MAN2A1: variants seen among roughly 807,000 people sequenced by gnomAD.
MAN2A1 encodes the protein mannosidase alpha class 2A member 1, also known as alpha-mannosidase 2.
Under a neutral mutation model 142.6 loss-of-function variants are expected in MAN2A1, and 76 were observed. That is an observed-to-expected ratio of 0.53 (90% CI 0.44 to 0.65). The LOEUF is 0.65. Among genes scored for constraint, MAN2A1 ranks in the 30% least tolerant of loss-of-function variants. The pLI, the probability that MAN2A1 is intolerant of heterozygous loss-of-function variation, is 0.00. For synonymous variants in MAN2A1, 559 were observed against 473.2 expected (o/e 1.18, Z -2.35); for missense variants, 1,311 against 1,365.1 (o/e 0.96, Z 0.62).
chr5:109,838,593 G>C (rs939417637), intron 16 of MAN2A1, among the ~76,000 whole-genome samples: 2 of 152,068 alleles, frequency 1.3e-5, no homozygotes, highest in Non-Finnish European at 2.9e-5. Flanking sequence ...GGAACAATTG[G>C]CAATCCTTTC....
intron 16 of MAN2A1, among the ~76,000 whole-genome samples, chr5:109,829,269 C>T (rs1754841351): frequency 6.6e-6 from 1 of 152,154 alleles, no homozygotes; most frequent in Admixed American, 6.5e-5. Context: ...GCCAAATTAG[C>T]ACTGTAAGTG....
intron 4 of MAN2A1, among the ~76,000 whole-genome samples, chr5:109,730,003 A>G (rs1209182725): frequency 2.0e-5 from 3 of 152,150 alleles, no homozygotes; most frequent in African/African-American, 7.2e-5. Flanking sequence ...GGGGAAAAAA[A>G]TCCTATGTTA....
In MAN2A1 at chr5:109,847,739, T is replaced by G. The variant is rs1561541826; in HGVS notation, c.2925T>G (p.Ile975Met). Residue 975 changes from isoleucine (I) to methionine (M), a missense_variant, in exon 19 of 22, where the codon ATT becomes ATG. By Grantham distance (10) the Ile-to-Met change is conservative (BLOSUM62 1). Coordinates refer to ENST00000261483, the MANE Select transcript of MAN2A1 (RefSeq NM_002372.4). ...GLEQGIQDNK[I>M]TANLFRILLE... is the part of the protein sequence containing the mutation. The stretch of plus-strand genomic sequence containing the variant: ...AGCAAGGTATCCAGGATAACAAGAT[T>G]ACAGCTAATCTATTTCGAATACTAC... 1 of 1,600,432 alleles carries G rather than the reference T, an allele frequency of 6.2e-7. No individual in the cohort carries two copies. The highest frequency in any genetic ancestry group is 8.5e-7 in the Non-Finnish European group (1 of 1,173,930).
chr5:109,845,692 G>A (rs1755327355), intron 17 of MAN2A1, among the ~76,000 whole-genome samples, 173 bp from the exon 18 acceptor site: 1 of 151,972 alleles, frequency 6.6e-6, no homozygotes, highest in Non-Finnish European at 1.5e-5. Context: ...ATATCCTTGT[G>A]GTTTTTCTTC....
At chr5:109,777,835 T>G (rs953695542) in intron 8 of MAN2A1, among the ~76,000 whole-genome samples, 1 of 152,120 alleles carries the variant, frequency 6.6e-6, no homozygotes, top group Non-Finnish European at 1.5e-5. Flanking sequence ...CACCACAGTG[T>G]CATCTTTGTC....
chr5:109,833,663 A>AGAGAGG (rs529924332), intron 16 of MAN2A1, among the ~76,000 whole-genome samples: 2 of 117,230 alleles, frequency 1.7e-5, no homozygotes, highest in Non-Finnish European at 3.4e-5. Context: ...GACGGTGGAG[A>AGAGAGG]GAGAGGGAGA....
chr5:109,811,875 C>G (rs1403754156), intron 12 of MAN2A1, among the ~76,000 whole-genome samples: 4 of 152,110 alleles, frequency 2.6e-5, no homozygotes, highest in African/African-American at 9.7e-5. Flanking sequence ...TGTATTCTCA[C>G]CACTACCATG....
intron 4 of MAN2A1, among the ~76,000 whole-genome samples, chr5:109,732,938 A>G (rs1352039703): frequency 6.6e-6 from 1 of 152,154 alleles, no homozygotes; most frequent in Non-Finnish European, 1.5e-5. Flanking sequence ...CATTGAATCT[A>G]TAAATTACCT....
intron 1 of MAN2A1, among the ~76,000 whole-genome samples, chr5:109,695,205 G>C (rs1170871706): frequency 1.3e-5 from 2 of 152,164 alleles, no homozygotes; most frequent in Non-Finnish European, 2.9e-5. Context: ...GAAGATAGTA[G>C]TTTATGTTTT....
rs1206610396 is a variant in MAN2A1 at position 109,823,818 on chromosome 5, C to T, written c.2547C>T (p.Val849=). The change falls in exon 16 of 22, where the codon GTC becomes GTT. Residue 849 remains valine, a synonymous_variant. Transcript: ENST00000261483. ...TTTTTGACCATGTTACTCATAGAGT[C>T]CGACTATACCACATACAGGGTAAGA... is the stretch of plus-strand genomic sequence containing the variant. ...TCFFDHVTHR[V]RLYHIQGIEG... 2 of 1,575,094 alleles carry T rather than the reference C, an allele frequency of 1.3e-6. No homozygotes were observed. The highest frequency in any genetic ancestry group is 1.7e-6 in the Non-Finnish European group (2 of 1,156,126).
intron 3 of MAN2A1, among the ~76,000 whole-genome samples, chr5:109,717,618 T>C (rs1318064044): frequency 6.6e-6 from 1 of 152,188 alleles, no homozygotes; most frequent in East Asian, 1.9e-4. Flanking sequence ...TCCTTAATCT[T>C]AGCCTGTACC....
intron 13 of MAN2A1, among the ~76,000 whole-genome samples, chr5:109,818,161 A>G (rs13185070): frequency 0.39 from 58,394 of 151,672 alleles, 12,242 homozygotes; most frequent in African/African-American, 0.56. Context: ...TATTTTTGAG[A>G]CAGAATTTCG....
intron 16 of MAN2A1, 52 bp from the exon 17 acceptor site, chr5:109,842,276 G>A (rs539648704): frequency 4.0e-6 from 5 of 1,240,604 alleles, no homozygotes; most frequent in Non-Finnish European, 5.6e-6. Context: ...TTTCAAAAAG[G>A]TGAGGCAAGT....
chr5:109,820,422 T>A (rs1277846503), intron 15 of MAN2A1, 80 bp downstream of exon 15: 2 of 1,334,644 alleles, frequency 1.5e-6, no homozygotes, highest in East Asian at 4.7e-5. Flanking sequence ...TGAGTGTCAT[T>A]ATTTTATCAT....
At chr5:109,691,610 A>G (rs1441658203) in intron 1 of MAN2A1, among the ~76,000 whole-genome samples, 1 of 152,214 alleles carries the variant, frequency 6.6e-6, no homozygotes, top group Non-Finnish European at 1.5e-5. Context: ...TGCTAGAGCA[A>G]ATGGCTTGAA....
chr5:109,838,845 C>G (rs984695621), intron 16 of MAN2A1, among the ~76,000 whole-genome samples: 5 of 152,114 alleles, frequency 3.3e-5, no homozygotes, highest in Non-Finnish European at 5.9e-5. Flanking sequence ...ACAACAGGGT[C>G]TGAGTATAAT....
At chr5:109,732,958 T>G (rs1751961907) in intron 4 of MAN2A1, among the ~76,000 whole-genome samples, 1 of 152,216 alleles carries the variant, frequency 6.6e-6, no homozygotes, top group Non-Finnish European at 1.5e-5. Flanking sequence ...TTGGGCAGTA[T>G]GGCCATTTTC....
At chr5:109,769,892 A>G (rs1036778506) in intron 6 of MAN2A1, among the ~76,000 whole-genome samples, 8 of 151,910 alleles carry the variant, frequency 5.3e-5, no homozygotes, top group African/African-American at 1.9e-4. Flanking sequence ...TATGCTCCAC[A>G]CTTCCTTTGT....
At chr5:109,762,580 A>C (rs1752880725) in intron 5 of MAN2A1, among the ~76,000 whole-genome samples, 1 of 152,134 alleles carries the variant, frequency 6.6e-6, no homozygotes, top group Non-Finnish European at 1.5e-5. Context: ...TCATTTCTGC[A>C]GTCCAGGCAG....
Sources: gnomAD v4.1 joint callset for allele counts (sites outside exome capture counted in the v4.1 genomes callset) on GRCh38, gnomAD v4.1.1 for gene constraint, MANE v1.5 for transcripts, NCBI Gene and HGNC (gene_info 2026-07-23, HGNC 2026-07-21) for gene names.